Variants in SLC12A7 observed in about 807,000 individuals in gnomAD.
The protein encoded by SLC12A7 is solute carrier family 12 member 7.
Under a neutral mutation model 120.6 loss-of-function variants are expected in SLC12A7, and 100 were observed. That is an observed-to-expected ratio of 0.83 (90% CI 0.71 to 0.98). The LOEUF (loss-of-function observed/expected upper bound fraction) is 0.98, where lower values mean the gene tolerates loss of function less well. Ranked by LOEUF, SLC12A7 falls within the 50% of genes least tolerant of loss-of-function variation. SLC12A7 has a pLI of 0.00. For missense variants in SLC12A7, 1,373 were observed against 1,548.1 expected (o/e 0.89, Z 1.90); for synonymous variants, 760 against 678.0 (o/e 1.12, Z -1.88).
the SLC12A7 span, among the ~76,000 whole-genome samples, chr5:1,140,754 G>A: frequency 6.6e-6 from 1 of 152,264 alleles, no homozygotes; most frequent in African/African-American, 2.4e-5. Flanking sequence ...GGCGGAGGGG[G>A]TGCAGGGAAG....
chr5:1,099,400 C>T (rs1471742318), intron 1 of SLC12A7, among the ~76,000 whole-genome samples: 2 of 151,420 alleles, frequency 1.3e-5, no homozygotes, highest in Non-Finnish European at 2.9e-5. Flanking sequence ...CAGGGCCCGA[C>T]CCGGTCCACC....
chr5:1,076,895 G>A (rs1738411785), intron 12 of SLC12A7, 83 bp from the exon 13 acceptor site: 2 of 942,282 alleles, frequency 2.1e-6, no homozygotes, highest in East Asian at 4.8e-5. Context: ...GTCTAGCCCA[G>A]ATGAATCTTA....
intron 17 of SLC12A7, among the ~76,000 whole-genome samples, chr5:1,067,625 C>T (rs1191524561): frequency 6.6e-6 from 1 of 152,278 alleles, no homozygotes; most frequent in East Asian, 1.9e-4. Flanking sequence ...GTCACGGGGC[C>T]ACTTCCTACA....
At chr5:1,116,888 C>T (rs1484238552), upstream of SLC12A7, among the ~76,000 whole-genome samples, 1 of 152,128 alleles carries the variant, frequency 6.6e-6, no homozygotes, top group Non-Finnish European at 1.5e-5. Flanking sequence ...AAGGCCATGC[C>T]AGGGTCCAGA....
chr5:1,078,789 G>C (rs199828124), intron 10 of SLC12A7, 31 bp from the exon 11 acceptor site: 1 of 1,448,630 alleles, frequency 6.9e-7, no homozygotes, highest in Admixed American at 1.7e-5. Flanking sequence ...AGGCAGGTCC[G>C]TGGGTGCAGG....
At position 1,063,952 on chromosome 5, in the gene SLC12A7, A is replaced by G; in HGVS notation, c.2631T>C (p.Arg877=). 6.2e-7 allele frequency: 1 copy of G among 1,612,562 alleles called. No individual in the cohort carries two copies. The highest frequency in any genetic ancestry group is 8.5e-7 in the Non-Finnish European group (1 of 1,179,812). Residue 877 remains arginine, a synonymous_variant, in exon 20 of 24, where the codon CGT becomes CGC. Coordinates refer to ENST00000264930, the MANE Select transcript of SLC12A7 (RefSeq NM_006598.3). ...QHKVWRKCRM[R]IFTVAQVDDN... ...CGTCCACCTGGGCCACGGTGAAGAT[A>G]CGCATCCGGCACTTCCTCCACACCT...
At chr5:1,142,747 C>T in the SLC12A7 span, among the ~76,000 whole-genome samples, 4 of 149,714 alleles carry the variant, frequency 2.7e-5, no homozygotes, top group Admixed American at 2.7e-4. Flanking sequence ...GAGGTGCTCA[C>T]GGCCCTCCCC....
chr5:1,098,140 C>G (rs1314774916), intron 1 of SLC12A7, among the ~76,000 whole-genome samples: 1 of 118,094 alleles, frequency 8.5e-6, no homozygotes, highest in African/African-American at 3.7e-5. Context: ...AAGCCCAGCC[C>G]CCACAACCCT....
At chr5:1,113,086 C>T (rs1447479933), upstream of SLC12A7, among the ~76,000 whole-genome samples, 1 of 152,164 alleles carries the variant, frequency 6.6e-6, no homozygotes, top group Non-Finnish European at 1.5e-5. Flanking sequence ...CATTTCTCAA[C>T]AAATGACTCA....
At chr5:1,114,959 C>G (rs1053429342), upstream of SLC12A7, among the ~76,000 whole-genome samples, 1 of 152,218 alleles carries the variant, frequency 6.6e-6, no homozygotes, top group Non-Finnish European at 1.5e-5. Flanking sequence ...ACAGGAAAGG[C>G]AGGGCAAGGG....
chr5:1,108,256 T>C (rs1342269763), intron 1 of SLC12A7, among the ~76,000 whole-genome samples: 1 of 152,222 alleles, frequency 6.6e-6, no homozygotes, highest in Non-Finnish European at 1.5e-5. Flanking sequence ...GAGAGCCTCT[T>C]GCCGGGAGAC....
At position 1,073,848 on chromosome 5, in the gene SLC12A7, G is replaced by A. The variant is rs200384752; in HGVS notation, c.2073-47C>T. 214 of 1,346,830 alleles carry A rather than the reference G, an allele frequency of 1.6e-4. 1 individual carries two copies. The East Asian group carries it at 5.9e-3, about 37-fold the overall frequency. The allele number at this position is 1,346,830 out of a possible 1,614,324, so 83.4% of individuals were successfully genotyped here. On this transcript the variant is annotated intron_variant, in intron 16 of 23. Transcript: ENST00000264930. ...TGTTACCACGGCAACGCTTACCAGG[G>A]CACGGCCCATCAACAGGCAGGGCAG...
Position 1,074,441 on chromosome 5 carries a change from C to CA in SLC12A7, c.2072+125_2072+126insT, listed in dbSNP as rs1738089736. 4 of 845,898 alleles carry CA rather than the reference C, an allele frequency of 4.7e-6. No individual in the cohort carries two copies. In the African/African-American group the frequency reaches 6.8e-5, roughly 14 times the overall value. 52.4% of individuals were successfully genotyped at this position (845,898 alleles called of 1,614,324 possible). ...CGCTCTGCACCAGGCAGTGTTCACACCCCAGACCTTGCCTGAGCGGCTGAA... is the reference window on the plus strand; with the variant it reads ...CGCTCTGCACCAGGCAGTGTTCACACACCCAGACCTTGCCTGAGCGGCTGAA... On this transcript the variant is annotated intron_variant, in intron 16 of 23. Coordinates refer to ENST00000264930, the MANE Select transcript of SLC12A7 (RefSeq NM_006598.3).
intron 1 of SLC12A7, among the ~76,000 whole-genome samples, chr5:1,102,433 C>T (rs1286951048): frequency 6.6e-6 from 1 of 152,220 alleles, no homozygotes; most frequent in African/African-American, 2.4e-5. Flanking sequence ...CTCTTCCTCC[C>T]GCGTTTTGGG....
At chr5:1,088,951 G>A (rs966392451) in intron 4 of SLC12A7, 31 bp downstream of exon 4, 2 of 1,611,806 alleles carry the variant, frequency 1.2e-6, no homozygotes, top group African/African-American at 2.7e-5. Context: ...CCGCCCGAAG[G>A]CACAGCCACA....
intron 1 of SLC12A7, among the ~76,000 whole-genome samples, chr5:1,098,167 C>T (rs1579425430): frequency 7.2e-6 from 1 of 138,042 alleles, no homozygotes; most frequent in Non-Finnish European, 1.6e-5. Context: ...GCCCAGCCCC[C>T]CTCTAACCCT....
chr5:1,060,513 C>A, intron 20 of SLC12A7, 62 bp from the exon 21 acceptor site: 1 of 1,316,686 alleles, frequency 7.6e-7, no homozygotes, highest in South Asian at 1.2e-5. Flanking sequence ...GGCTCCAACA[C>A]CAGCCCGGTA....
chr5:1,132,081 C>T, the SLC12A7 span, among the ~76,000 whole-genome samples: 1 of 152,202 alleles, frequency 6.6e-6, no homozygotes, highest in Non-Finnish European at 1.5e-5. Flanking sequence ...ATTAATAAAA[C>T]AAGTTGTGGT....
Position 1,077,910 on chromosome 5 carries a change from C to T in SLC12A7, c.1552G>A (p.Ala518Thr). 2 of 1,599,966 alleles carry T rather than the reference C, an allele frequency of 1.3e-6. No homozygotes were observed. Among genetic ancestry groups the T allele is most frequent in the Non-Finnish European group, 1.7e-6 (2 of 1,174,068 alleles). Reference sequence around the variant, plus strand: ...GCCCCCGTGAGGCTCTGCAGGCCGGCACCGCAGGTGGAGAAGAAGGAGCCG... The same window carrying T: ...GCCCCCGTGAGGCTCTGCAGGCCGGTACCGCAGGTGGAGAAGAAGGAGCCG... Reference protein sequence around the residue: ...VIGSFFSTCGAGLQSLTGAPR... With the variant: ...VIGSFFSTCGTGLQSLTGAPR... The change falls in exon 12 of 24, where the codon GCC (alanine) becomes ACC (threonine). Residue 518 changes from alanine to threonine, a missense_variant. Physicochemically the swap from Ala to Thr is moderately conservative, Grantham distance 58. Coordinates refer to ENST00000264930, the MANE Select transcript of SLC12A7 (RefSeq NM_006598.3).
Sources: gnomAD v4.1 joint callset for allele counts (sites outside exome capture counted in the v4.1 genomes callset) on GRCh38, gnomAD v4.1.1 for gene constraint, MANE v1.5 for transcripts, NCBI Gene and HGNC (gene_info 2026-07-23, HGNC 2026-07-21) for gene names.